Variants in AKAP19 observed in about 807,000 individuals in gnomAD.
AKAP19 encodes A-kinase anchoring protein 19, also known as small A-kinase anchoring protein.
At chr2:190,109,398 C>T in the AKAP19 span, among the ~76,000 whole-genome samples, 1 of 151,958 alleles carries the variant, frequency 6.6e-6, no homozygotes, top group Non-Finnish European at 1.5e-5. Flanking sequence ...GTCACACAGA[C>T]ACCTTCCTAA....
chr2:190,179,418 A>G, the AKAP19 span, among the ~76,000 whole-genome samples: 2 of 149,338 alleles, frequency 1.3e-5, no homozygotes, highest in East Asian at 4.1e-4. This position sits in a 1 kb window ranked among gnomAD's most constrained non-coding sequence, Gnocchi z 6.0. Flanking sequence ...AAAAAAAAGA[A>G]AAAAAAAATG....
chr2:189,949,157 G>A, the AKAP19 span, among the ~76,000 whole-genome samples: 612 of 152,200 alleles, frequency 4.0e-3, 8 homozygotes, highest in African/African-American at 0.014. Context: ...ACAAAAAGCC[G>A]GCCCTCAGTA....
the AKAP19 span, among the ~76,000 whole-genome samples, chr2:189,940,073 A>T: frequency 6.6e-6 from 1 of 152,082 alleles, no homozygotes; most frequent in Non-Finnish European, 1.5e-5. Context: ...AGGTCAGGAG[A>T]TCGAGACCAT....
At chr2:189,943,312 A>T in the AKAP19 span, among the ~76,000 whole-genome samples, 2 of 152,344 alleles carry the variant, frequency 1.3e-5, no homozygotes, top group Admixed American at 6.5e-5. Context: ...GGTACAGCTC[A>T]GGGTGCTACT....
the AKAP19 span, among the ~76,000 whole-genome samples, chr2:189,908,886 T>C: frequency 5.9e-5 from 9 of 152,192 alleles, no homozygotes; most frequent in African/African-American, 2.2e-4. Context: ...GTCTACAGTG[T>C]AGTCCAAGTC....
chr2:190,119,186 A>C, the AKAP19 span, among the ~76,000 whole-genome samples: 116 of 152,210 alleles, frequency 7.6e-4, no homozygotes, highest in Non-Finnish European at 1.3e-3. Context: ...ACGGACACAC[A>C]TGGAGTGGTT....
At chr2:190,069,175 T>TGTGTGAGAGAGAGA in the AKAP19 span, among the ~76,000 whole-genome samples, 274 of 123,512 alleles carry the variant, frequency 2.2e-3, 1 homozygote, top group Middle Eastern at 8.0e-3. Context: ...TGTGTGTGTG[T>TGTGTGAGAGAGAGA]GAGAGAGAGA....
At chr2:189,939,054 T>C in the AKAP19 span, among the ~76,000 whole-genome samples, 1 of 152,164 alleles carries the variant, frequency 6.6e-6, no homozygotes, top group Admixed American at 6.5e-5. Flanking sequence ...GACCTGTCCC[T>C]GCTTCAACCC....
At chr2:190,132,102 G>C in the AKAP19 span, among the ~76,000 whole-genome samples, 1 of 151,990 alleles carries the variant, frequency 6.6e-6, no homozygotes, top group Non-Finnish European at 1.5e-5. Context: ...TTTAACCAAA[G>C]AGGTGAAAGA....
At chr2:189,951,158 A>T in the AKAP19 span, among the ~76,000 whole-genome samples, 1 of 150,358 alleles carries the variant, frequency 6.7e-6, no homozygotes, top group East Asian at 1.9e-4. Flanking sequence ...CCTCTACTTC[A>T]ATAGAAGAAA....
the AKAP19 span, among the ~76,000 whole-genome samples, chr2:190,101,992 C>T: frequency 2.1e-3 from 314 of 152,128 alleles, 1 homozygote; most frequent in African/African-American, 7.1e-3. Flanking sequence ...GGAAATAATA[C>T]CAACCATACT....
chr2:190,148,953 C>CTTTTTT, the AKAP19 span, among the ~76,000 whole-genome samples: 3 of 134,086 alleles, frequency 2.2e-5, no homozygotes, highest in African/African-American at 8.5e-5. Flanking sequence ...TCTTTTCTTT[C>CTTTTTT]TTTTTTTTTT....
the AKAP19 span, among the ~76,000 whole-genome samples, chr2:190,131,803 C>T: frequency 8.3e-4 from 127 of 152,128 alleles, no homozygotes; most frequent in African/African-American, 3.0e-3. Flanking sequence ...CAGAAAATTG[C>T]TTGGTATGTA....
the AKAP19 span, among the ~76,000 whole-genome samples, chr2:189,949,963 T>C: frequency 6.6e-6 from 1 of 151,332 alleles, no homozygotes; most frequent in African/African-American, 2.4e-5. Flanking sequence ...GAAATGTAAC[T>C]CTTCCAAGGT....
At chr2:189,893,199 G>T in the AKAP19 span, among the ~76,000 whole-genome samples, 1 of 152,164 alleles carries the variant, frequency 6.6e-6, no homozygotes, top group African/African-American at 2.4e-5. Flanking sequence ...TAGCTCACTG[G>T]CTTCAGCCCC....
chr2:190,057,077 G>C, the AKAP19 span: 1 of 623,100 alleles, frequency 1.6e-6, no homozygotes, highest in Non-Finnish European at 2.7e-6. Flanking sequence ...TGATTTGTTT[G>C]GATGGTTAAA....
At chr2:189,924,641 T>C in the AKAP19 span, among the ~76,000 whole-genome samples, 4 of 152,068 alleles carry the variant, frequency 2.6e-5, no homozygotes, top group Non-Finnish European at 5.9e-5. Context: ...CAGCTTTGAG[T>C]TAGAAGTATG....
the AKAP19 span, among the ~76,000 whole-genome samples, chr2:190,164,315 A>C: frequency 2.6e-5 from 4 of 152,270 alleles, 1 homozygote; most frequent in South Asian, 8.3e-4. Flanking sequence ...TGGGCGGATC[A>C]CTTGAGCTCA....
At chr2:190,098,368 C>T in the AKAP19 span, among the ~76,000 whole-genome samples, 1 of 152,068 alleles carries the variant, frequency 6.6e-6, no homozygotes, top group African/African-American at 2.4e-5. Flanking sequence ...TGAAGATGTA[C>T]ACCAATGCTC....
Sources: allele counts gnomAD v4.1 joint callset (sites outside exome capture counted in the v4.1 genomes callset), GRCh38; gene constraint gnomAD v4.1.1; non-coding constraint Gnocchi (gnomAD v3.1); transcripts MANE v1.5; gene names NCBI Gene and HGNC (gene_info 2026-07-23, HGNC 2026-07-21).